Variants in RBFOX1 observed in about 807,000 individuals in gnomAD.
The protein encoded by RBFOX1 is RNA binding fox-1 homolog 1, also known as RNA binding protein fox-1 homolog 1.
In RBFOX1, 8 loss-of-function variants were observed where a neutral mutation model predicts 57.7. The observed-to-expected ratio is 0.14, with a 90% CI of 0.08 to 0.25. RBFOX1 has a LOEUF of 0.25. Among genes scored for constraint, RBFOX1 ranks in the 10% least tolerant of loss-of-function variants. The pLI is 1.00. For synonymous variants in RBFOX1, 326 were observed against 222.4 expected, an observed-to-expected ratio of 1.47 and a Z score of -4.15; for missense variants, 611 against 548.5, an observed-to-expected ratio of 1.11 and a Z score of -1.14.
At chr16:6,138,749 C>G (rs1567542240) in intron 1 of RBFOX1, among the ~76,000 whole-genome samples, 1 of 152,082 alleles carries the variant, frequency 6.6e-6, no homozygotes, top group Non-Finnish European at 1.5e-5. Context: ...CACCTGTAGT[C>G]CCAGGTACTT....
intron 4 of RBFOX1, among the ~76,000 whole-genome samples, chr16:7,375,030 G>C (rs182757404): frequency 6.6e-6 from 1 of 152,340 alleles, no homozygotes; most frequent in East Asian, 1.9e-4. Flanking sequence ...ATGCCCATCT[G>C]GCTTTGTTAG....
chr16:7,426,496 A>G (rs374193921), intron 4 of RBFOX1, among the ~76,000 whole-genome samples: 4 of 152,218 alleles, frequency 2.6e-5, no homozygotes, highest in Non-Finnish European at 5.9e-5. Flanking sequence ...CCTGAGCAGC[A>G]TGGTGATCTG....
chr16:7,637,105 AATTT>A (rs1313633494), intron 11 of RBFOX1, among the ~76,000 whole-genome samples: 1 of 152,120 alleles, frequency 6.6e-6, no homozygotes, highest in Admixed American at 6.5e-5. Context: ...TTCTGGAAGA[AATTT>A]CTTTATTGTT....
rs555636985 is a variant in RBFOX1 at position 6,321,823 on chromosome 16, C to T, written c.-64+4766C>T. Reference sequence around the variant, plus strand: ...CTTTCTGATGGCTGGTTTTTATTTCCTCAGTATTCGTCTTCAAAGCTTTCA... The same window carrying T: ...CTTTCTGATGGCTGGTTTTTATTTCTTCAGTATTCGTCTTCAAAGCTTTCA... On this transcript the variant is annotated intron_variant, in intron 2 of 15. Coordinates refer to ENST00000550418, the MANE Select transcript of RBFOX1 (RefSeq NM_018723.4). Among the ~76,000 whole-genome samples the T allele has an allele frequency of 1.8e-4, 27 of 152,188 alleles. 1 individual carries two copies. Among genetic ancestry groups the T allele is most frequent in the African/African-American group, 6.3e-4 (26 of 41,540 alleles).
At chr16:6,559,349 T>C (rs2097148468) in intron 2 of RBFOX1, among the ~76,000 whole-genome samples, 1 of 152,142 alleles carries the variant, frequency 6.6e-6, no homozygotes, top group Non-Finnish European at 1.5e-5. Context: ...TGTGTGTATA[T>C]GTGTGTATAT....
chr16:6,765,903 C>A (rs1041844223), intron 3 of RBFOX1, among the ~76,000 whole-genome samples: 1 of 152,078 alleles, frequency 6.6e-6, no homozygotes, highest in Non-Finnish European at 1.5e-5. Context: ...TACTGCATTT[C>A]TTCACTTGTA....
At chr16:7,392,344 C>T (rs1375770001) in intron 4 of RBFOX1, among the ~76,000 whole-genome samples, 1 of 152,136 alleles carries the variant, frequency 6.6e-6, no homozygotes, top group Non-Finnish European at 1.5e-5. Context: ...TATATGTTTG[C>T]ATTTGGACAA....
intron 4 of RBFOX1, among the ~76,000 whole-genome samples, chr16:7,198,167 G>A (rs1253710148): frequency 2.6e-5 from 4 of 151,938 alleles, no homozygotes; most frequent in Middle Eastern, 3.2e-3. Flanking sequence ...CACCACAGCT[G>A]GCTAATCTTT....
intron 4 of RBFOX1, among the ~76,000 whole-genome samples, chr16:7,484,165 C>G (rs926416997): frequency 6.6e-6 from 1 of 152,046 alleles, no homozygotes; most frequent in Non-Finnish European, 1.5e-5. Flanking sequence ...CACATATTAA[C>G]ATTTTGTTCC....
chr16:5,613,464 G>T (rs1286755504), intron 3 of RBFOX1, among the ~76,000 whole-genome samples: 4 of 152,184 alleles, frequency 2.6e-5, no homozygotes, highest in African/African-American at 9.7e-5. Context: ...CAGGGTTGCA[G>T]CCCTGATTAT....
intron 3 of RBFOX1, among the ~76,000 whole-genome samples, chr16:5,862,806 C>G (rs1414916867): frequency 2.0e-5 from 3 of 152,154 alleles, no homozygotes; most frequent in Non-Finnish European, 2.9e-5. Context: ...AAAAGTTATA[C>G]AGGGTAGCCC....
At chr16:6,845,276 C>T (rs1001261176) in intron 3 of RBFOX1, among the ~76,000 whole-genome samples, 51 of 152,028 alleles carry the variant, frequency 3.4e-4, no homozygotes, top group African/African-American at 1.2e-3. Flanking sequence ...AATGGTATTG[C>T]CTAGGTTTTT....
intron 3 of RBFOX1, among the ~76,000 whole-genome samples, chr16:7,029,707 T>C (rs1352734374): frequency 6.6e-6 from 1 of 152,166 alleles, no homozygotes; most frequent in African/African-American, 2.4e-5. Context: ...GACTCTATAA[T>C]TATAGGGTGG....
chr16:7,664,841 A>G (rs2145684726), intron 12 of RBFOX1, 88 bp from the exon 13 acceptor site: 8 of 1,609,484 alleles, frequency 5.0e-6, no homozygotes, highest in Non-Finnish European at 6.8e-6. Flanking sequence ...TCTTGTGACC[A>G]GACTAACCTC....
rs571804440 is a variant in RBFOX1 at position 7,050,718 on chromosome 16, A to T, written c.-15-1339A>T. ...TCTATATTTAAAACTATGTTTCTAA[A>T]TGGTACATGTTATGCCATACTATCA... On this transcript the variant is annotated intron_variant, in intron 3 of 15. Transcript: ENST00000550418. Among the ~76,000 whole-genome samples, 3 of 152,346 alleles carry T rather than the reference A, an allele frequency of 2.0e-5. 1 individual carries two copies. Among genetic ancestry groups the T allele is most frequent in the African/African-American group, 7.2e-5 (3 of 41,602 alleles).
intron 3 of RBFOX1, among the ~76,000 whole-genome samples, chr16:7,014,496 C>T (rs1490130883): frequency 2.6e-5 from 4 of 151,882 alleles, no homozygotes; most frequent in Admixed American, 2.0e-4. Context: ...ATCCACTCTC[C>T]TCCCACAGTG....
intron 4 of RBFOX1, among the ~76,000 whole-genome samples, chr16:7,375,561 G>C (rs1030154760): frequency 2.0e-5 from 3 of 150,988 alleles, no homozygotes; most frequent in Non-Finnish European, 4.4e-5. Flanking sequence ...GTGCTTGAGT[G>C]CATTTGAGAA....
chr16:6,599,704 C>G (rs1247405900), intron 2 of RBFOX1, among the ~76,000 whole-genome samples: 6 of 152,132 alleles, frequency 3.9e-5, no homozygotes, highest in African/African-American at 1.4e-4. Context: ...AGCCGAACTT[C>G]TCCACTACTC....
chr16:7,241,636 T>A (rs947053315), intron 4 of RBFOX1, among the ~76,000 whole-genome samples: 3 of 152,162 alleles, frequency 2.0e-5, no homozygotes, highest in Non-Finnish European at 4.4e-5. Flanking sequence ...AAACATTTCT[T>A]CTTTATGTTG....
Sources: allele counts gnomAD v4.1 joint callset (sites outside exome capture counted in the v4.1 genomes callset), GRCh38; gene constraint gnomAD v4.1.1; transcripts MANE v1.5; gene names NCBI Gene and HGNC (gene_info 2026-07-23, HGNC 2026-07-21).